The following PTBP3 variants were observed in gnomAD, a reference collection of about 807,000 sequenced individuals.
PTBP3 encodes polypyrimidine tract binding protein 3, also known as polypyrimidine tract-binding protein 3.
A neutral mutation model predicts 58.7 loss-of-function variants in PTBP3; 20 were observed. The ratio of observed to expected loss-of-function variants is 0.34; its 90% CI spans 0.24 to 0.50. PTBP3 has a LOEUF of 0.50. Ranked by LOEUF, PTBP3 falls within the 20% of genes least tolerant of loss-of-function variation. The pLI, the probability that PTBP3 is intolerant of heterozygous loss-of-function variation, is 0.98. For synonymous variants in PTBP3, 185 were observed against 219.8 expected, an observed-to-expected ratio of 0.84 and a Z score of 1.40; for missense variants, 509 against 637.2, an observed-to-expected ratio of 0.80 and a Z score of 2.17.
At chr9:112,318,943 C>A (rs980289419) in intron 1 of PTBP3, among the ~76,000 whole-genome samples, 22 of 151,602 alleles carry the variant, frequency 1.5e-4, no homozygotes, top group Middle Eastern at 3.2e-3. Flanking sequence ...GCCTGACCAA[C>A]ATGGAGAAAT....
At chr9:112,363,579 T>TTAAG in the PTBP3 span, among the ~76,000 whole-genome samples, 1 of 151,204 alleles carries the variant, frequency 6.6e-6, no homozygotes, top group Admixed American at 6.6e-5. Flanking sequence ...TCTTGACCTA[T>TTAAG]TAGTCTTGGT....
At chr9:112,262,715 C>T (rs1564415112) in intron 4 of PTBP3, 116 bp from the exon 5 acceptor site, 1 of 913,378 alleles carries the variant, frequency 1.1e-6, no homozygotes, top group Non-Finnish European at 1.5e-6. Context: ...CAAGATTTAT[C>T]TACTCCGTCT....
At chr9:112,225,914 G>A (rs191264547) in intron 12 of PTBP3, among the ~76,000 whole-genome samples, 37 of 152,154 alleles carry the variant, frequency 2.4e-4, no homozygotes, top group African/African-American at 7.2e-4. Context: ...TGGGCATGCC[G>A]ACACCTGTAG....
chr9:112,265,007 A>G (rs2070509588), intron 4 of PTBP3, among the ~76,000 whole-genome samples: 1 of 152,230 alleles, frequency 6.6e-6, no homozygotes, highest in African/African-American at 2.4e-5. Context: ...CTTTCTTCTT[A>G]AAAGAATCAG....
chr9:112,360,203 A>G, the PTBP3 span, among the ~76,000 whole-genome samples: 1 of 152,144 alleles, frequency 6.6e-6, no homozygotes. Context: ...TTTTTTTCCA[A>G]GACAGGGTCT....
chr9:112,337,306 A>G (rs1830584760), upstream of PTBP3, among the ~76,000 whole-genome samples: 1 of 152,218 alleles, frequency 6.6e-6, no homozygotes, highest in Non-Finnish European at 1.5e-5. Flanking sequence ...CTGGGATTAC[A>G]GGCGTGAGCC....
the PTBP3 span, among the ~76,000 whole-genome samples, chr9:112,349,064 GT>G: frequency 8.5e-5 from 13 of 152,270 alleles, no homozygotes; most frequent in South Asian, 2.7e-3. Flanking sequence ...AGTGTCTTTT[GT>G]TATTTATCAT....
intron 5 of PTBP3, among the ~76,000 whole-genome samples, chr9:112,256,949 A>C (rs1880474): frequency 0.85 from 129,002 of 152,132 alleles, 55,128 homozygotes; most frequent in African/African-American, 0.95. Context: ...TGTAAAATAT[A>C]TCATTAGTGA....
intron 1 of PTBP3, among the ~76,000 whole-genome samples, chr9:112,317,814 G>T (rs1829767407): frequency 6.6e-6 from 1 of 151,952 alleles, no homozygotes; most frequent in Admixed American, 6.5e-5. Context: ...GGGCATGGTG[G>T]TGTGCGCCTA....
chr9:112,286,108 A>G (rs555655700), intron 2 of PTBP3, among the ~76,000 whole-genome samples: 5 of 152,256 alleles, frequency 3.3e-5, no homozygotes, highest in African/African-American at 1.2e-4. Flanking sequence ...ACTTTTCCTG[A>G]TATTAGTACA....
At chr9:112,308,700 A>G (rs1829344117) in intron 1 of PTBP3, among the ~76,000 whole-genome samples, 1 of 152,142 alleles carries the variant, frequency 6.6e-6, no homozygotes, top group Non-Finnish European at 1.5e-5. Flanking sequence ...GAAGGCCTTA[A>G]CTAGCAAAAT....
chr9:112,227,544 G>A lies in PTBP3; in HGVS notation c.1231C>T (p.Arg411Ter). The A allele has an allele frequency of 1.2e-6, 2 of 1,613,898 alleles. No individual in the cohort carries two copies. The highest frequency in any genetic ancestry group is 8.5e-7 in the Non-Finnish European group (1 of 1,179,890). Residue 411 changes from arginine to a stop codon, truncating the protein, a stop_gained, in exon 12 of 14, where the codon CGA (arginine) becomes TGA (stop). Coordinates refer to ENST00000374257, the MANE Select transcript of PTBP3 (RefSeq NM_001163788.4). LOFTEE classifies it high-confidence loss of function. The stretch of plus-strand genomic sequence containing the variant: ...AGACCTTGGTCTTCTTGTCCCTCTC[G>A]AGGAAGCTGTACTGCTTGATGTTTG... ...LSKHQAVQLP[R>*]EGQEDQGLTK...
intron 5 of PTBP3, among the ~76,000 whole-genome samples, chr9:112,260,664 T>C (rs10759546): frequency 0.48 from 73,158 of 151,966 alleles, 18,098 homozygotes; most frequent in African/African-American, 0.59. Context: ...AGAGAGACAG[T>C]GCCAGAAAAG....
intron 2 of PTBP3, among the ~76,000 whole-genome samples, chr9:112,282,954 G>A (rs996347441): frequency 2.6e-5 from 4 of 152,086 alleles, no homozygotes; most frequent in South Asian, 2.1e-4. Context: ...GGGAGTTCTC[G>A]CAAGATCTGA....
At chr9:112,284,860 G>T (rs563058684) in intron 2 of PTBP3, among the ~76,000 whole-genome samples, 8 of 151,996 alleles carry the variant, frequency 5.3e-5, no homozygotes, top group Non-Finnish European at 8.8e-5. Flanking sequence ...TACCCCCGTT[G>T]TATCTTCGAA....
At chr9:112,346,050 G>C in the PTBP3 span, among the ~76,000 whole-genome samples, 53 of 151,780 alleles carry the variant, frequency 3.5e-4, no homozygotes, top group Admixed American at 5.9e-4. Flanking sequence ...CGCCATGTTA[G>C]CCAGGCTGGT....
At chr9:112,292,931 G>C (rs1589877501) in intron 2 of PTBP3, among the ~76,000 whole-genome samples, 1 of 152,066 alleles carries the variant, frequency 6.6e-6, no homozygotes, top group Non-Finnish European at 1.5e-5. Context: ...GAGAGATAGA[G>C]GGCACACAAG....
At chr9:112,268,217 A>G (rs758947515) in intron 3 of PTBP3, 22 bp from the exon 4 acceptor site, 1 of 1,599,494 alleles carries the variant, frequency 6.3e-7, no homozygotes, top group Admixed American at 1.8e-5. Flanking sequence ...ACAAGAAGGT[A>G]AAGTTAAAGC....
At chr9:112,322,862 G>C (rs1393537335) in intron 1 of PTBP3, among the ~76,000 whole-genome samples, 1 of 152,234 alleles carries the variant, frequency 6.6e-6, no homozygotes, top group African/African-American at 2.4e-5. Context: ...CGAGGTGGTA[G>C]GTCACATAAC....
Sources: allele counts gnomAD v4.1 joint callset (sites outside exome capture counted in the v4.1 genomes callset), GRCh38; gene constraint gnomAD v4.1.1; transcripts MANE v1.5; gene names NCBI Gene and HGNC (gene_info 2026-07-23, HGNC 2026-07-21).